The following DENND4C variants were observed in gnomAD, a reference collection of about 807,000 sequenced individuals.
DENND4C encodes DENN domain containing 4C, also known as DENN domain-containing protein 4C.
A neutral mutation model predicts 203.0 loss-of-function variants in DENND4C; 108 were observed. The observed-to-expected ratio is 0.53, with a 90% CI of 0.46 to 0.62. The LOEUF is 0.62. Ranked by LOEUF, DENND4C falls within the 20% of genes least tolerant of loss-of-function variation. DENND4C has a pLI of 0.00. For synonymous variants in DENND4C, 871 were observed against 792.4 expected (o/e 1.10, Z -1.67); for missense variants, 2,481 against 2,301.2 (o/e 1.08, Z -1.60).
At chr9:19,308,155 C>A (rs940471686) in intron 10 of DENND4C, among the ~76,000 whole-genome samples, 3 of 152,130 alleles carry the variant, frequency 2.0e-5, no homozygotes, top group Non-Finnish European at 4.4e-5. Flanking sequence ...CTGTTCTGAT[C>A]ATCGTATATA....
chr9:19,335,162 A>G (rs11791904), intron 18 of DENND4C, 57 bp downstream of exon 18: 43,278 of 1,305,474 alleles, frequency 0.033, 880 homozygotes, highest in Non-Finnish European at 0.039. Flanking sequence ...ATTATTTTGT[A>G]TACCTTTAGT....
intron 1 of DENND4C, among the ~76,000 whole-genome samples, chr9:19,253,340 G>T (rs1161864289): frequency 6.6e-6 from 1 of 152,106 alleles, no homozygotes; most frequent in Non-Finnish European, 1.5e-5. Flanking sequence ...CGCCTTTTAG[G>T]CATTTGTTAT....
intron 2 of DENND4C, among the ~76,000 whole-genome samples, chr9:19,281,376 G>A (rs1437864629): frequency 1.3e-5 from 2 of 151,976 alleles, no homozygotes; most frequent in African/African-American, 2.4e-5. Flanking sequence ...GTTTTGGCCT[G>A]TTCTCCTCAC....
intron 2 of DENND4C, among the ~76,000 whole-genome samples, chr9:19,283,824 A>G (rs751299139): frequency 4.6e-5 from 7 of 151,408 alleles, no homozygotes; most frequent in South Asian, 4.2e-4. Flanking sequence ...CGAACTCCCA[A>G]CCTCAGGTGA....
intron 1 of DENND4C, among the ~76,000 whole-genome samples, chr9:19,268,591 C>T (rs566422506): frequency 1.3e-5 from 2 of 152,228 alleles, no homozygotes; most frequent in South Asian, 4.1e-4. Flanking sequence ...GAAGAACTCC[C>T]TTTAGTATTT....
At chr9:19,264,701 G>C (rs1024263134) in intron 1 of DENND4C, among the ~76,000 whole-genome samples, 2 of 151,822 alleles carry the variant, frequency 1.3e-5, no homozygotes, top group African/African-American at 2.4e-5. Flanking sequence ...TTTTTTCTTA[G>C]TCTGGCTAAA....
chr9:19,367,172 A>G (rs1305617837), intron 30 of DENND4C, among the ~76,000 whole-genome samples: 1 of 152,214 alleles, frequency 6.6e-6, no homozygotes, highest in Non-Finnish European at 1.5e-5. Context: ...TAGGATGGCT[A>G]TAATAAAAAA....
intron 1 of DENND4C, among the ~76,000 whole-genome samples, chr9:19,272,872 A>G (rs189246109): frequency 1.3e-5 from 2 of 149,034 alleles, no homozygotes; most frequent in Admixed American, 1.3e-4. Flanking sequence ...GGTTCAAGTG[A>G]TTCTCCTGTC....
chr9:19,258,747 T>C (rs879291613), intron 1 of DENND4C, among the ~76,000 whole-genome samples: 2 of 152,044 alleles, frequency 1.3e-5, no homozygotes, highest in Admixed American at 6.6e-5. Flanking sequence ...CTCTGCCTTC[T>C]GGGTTCAGGA....
intron 1 of DENND4C, among the ~76,000 whole-genome samples, chr9:19,241,015 G>C (rs1389964763): frequency 3.3e-5 from 5 of 152,142 alleles, no homozygotes; most frequent in Non-Finnish European, 7.3e-5. Context: ...GAACAGGACA[G>C]ATATGAAAGA....
chr9:19,252,399 C>A (rs1004882676), intron 1 of DENND4C, among the ~76,000 whole-genome samples: 3 of 152,000 alleles, frequency 2.0e-5, no homozygotes, highest in African/African-American at 7.2e-5. Flanking sequence ...GGGAACACAG[C>A]CAAACCGTAT....
intron 10 of DENND4C, among the ~76,000 whole-genome samples, chr9:19,315,783 G>A (rs1233754721): frequency 1.3e-5 from 2 of 150,952 alleles, no homozygotes; most frequent in African/African-American, 4.9e-5. Flanking sequence ...TCGGCTCACT[G>A]CAACCTCCGC....
intron 1 of DENND4C, among the ~76,000 whole-genome samples, chr9:19,267,731 G>T (rs779730443): frequency 1.1e-4 from 16 of 151,796 alleles, no homozygotes; most frequent in African/African-American, 2.9e-4. Context: ...TGGAGACAGG[G>T]TCTCACCATC....
intron 1 of DENND4C, among the ~76,000 whole-genome samples, chr9:19,247,578 T>C (rs1015810345): frequency 4.6e-5 from 7 of 152,150 alleles, no homozygotes; most frequent in African/African-American, 1.7e-4. Context: ...TTGTAGTTAT[T>C]GAGACTGGGT....
chr9:19,372,177 G>A lies in DENND4C; in HGVS notation c.*4G>A, dbSNP rs1355593613. 4 of 1,605,366 alleles carry A rather than the reference G, an allele frequency of 2.5e-6. No homozygotes were observed. The Admixed American group carries it at 5.2e-5, about 21-fold the overall frequency. On this transcript the variant is annotated 3_prime_UTR_variant, in exon 33 of 33. Coordinates refer to ENST00000434457, the MANE Select transcript of DENND4C (RefSeq NM_001330640.2). Reference sequence around the variant, plus strand: ...TTTTGGAGCGCCTCTCATTTAAATAGAGATTCACTAGAATGTTGACACACA... The same window carrying A: ...TTTTGGAGCGCCTCTCATTTAAATAAAGATTCACTAGAATGTTGACACACA...
intron 1 of DENND4C, among the ~76,000 whole-genome samples, chr9:19,260,776 GTTGA>G (rs1441091468): frequency 2.0e-5 from 3 of 152,154 alleles, no homozygotes; most frequent in Non-Finnish European, 4.4e-5. Flanking sequence ...TCTTCACTTT[GTTGA>G]TTGTTTCCTT....
chr9:19,285,489 GT>G (rs1003993133), intron 2 of DENND4C, among the ~76,000 whole-genome samples: 99 of 151,428 alleles, frequency 6.5e-4, no homozygotes, highest in African/African-American at 2.3e-3. Context: ...CTACCCCTAG[GT>G]AACTATTAAT....
At chr9:19,236,547 A>G (rs955597912) in intron 1 of DENND4C, among the ~76,000 whole-genome samples, 2 of 152,210 alleles carry the variant, frequency 1.3e-5, no homozygotes, top group South Asian at 2.1e-4. Flanking sequence ...ACAGGGAGCT[A>G]TTGGAAGATT....
At chr9:19,250,270 C>G (rs895977350) in intron 1 of DENND4C, among the ~76,000 whole-genome samples, 4 of 152,070 alleles carry the variant, frequency 2.6e-5, no homozygotes, top group Non-Finnish European at 5.9e-5. Flanking sequence ...TGGTGAAACC[C>G]CCATCTCTAC....
Sources: allele counts gnomAD v4.1 joint callset (sites outside exome capture counted in the v4.1 genomes callset), GRCh38; gene constraint gnomAD v4.1.1; transcripts MANE v1.5; gene names NCBI Gene and HGNC (gene_info 2026-07-23, HGNC 2026-07-21).